VAV2: variants seen among roughly 807,000 people sequenced by gnomAD.
VAV2 encodes the protein vav guanine nucleotide exchange factor 2, also known as guanine nucleotide exchange factor VAV2.
VAV2 carries 67 observed loss-of-function variants against 132.5 expected under a neutral mutation model. The ratio of observed to expected loss-of-function variants is 0.51; its 90% CI spans 0.42 to 0.62. The LOEUF (loss-of-function observed/expected upper bound fraction) is 0.62, where lower values mean the gene tolerates loss of function less well. VAV2 is among the 20% of genes least tolerant of loss of function. The pLI, the probability that VAV2 is intolerant of heterozygous loss-of-function variation, is 0.00. For synonymous variants in VAV2, 492 were observed against 443.5 expected, an observed-to-expected ratio of 1.11 and a Z score of -1.37; for missense variants, 938 against 1,153.6, an observed-to-expected ratio of 0.81 and a Z score of 2.71.
chr9:133,773,642 GTTTT>G (rs112796693), intron 25 of VAV2, among the ~76,000 whole-genome samples: 1 of 137,070 alleles, frequency 7.3e-6, no homozygotes, highest in Non-Finnish European at 1.7e-5. Context: ...AAGCTTTCCT[GTTTT>G]TTTTCTTTGT....
At chr9:133,819,151 G>A (rs866361733) in intron 4 of VAV2, among the ~76,000 whole-genome samples, 4 of 151,976 alleles carry the variant, frequency 2.6e-5, no homozygotes, top group Admixed American at 6.6e-5. Flanking sequence ...TCATTCGCCC[G>A]GGGCACCGAG....
At chr9:133,771,064 T>TTC (rs1833605762) in intron 26 of VAV2, among the ~76,000 whole-genome samples, 3 of 140,956 alleles carry the variant, frequency 2.1e-5, no homozygotes, top group Admixed American at 2.1e-4. Context: ...TGGATTTTCT[T>TTC]TTTTTTTTTT....
Position 133,863,581 on chromosome 9 carries a change from T to G in VAV2, c.322-2149A>C, listed in dbSNP as rs1293602882. The stretch of plus-strand genomic sequence containing the variant: ...GACCACAGCAGCCTCAGCCCCAAGC[T>G]TGGGGCGCTTTGCCCCAGGATGAAC... On this transcript the variant is annotated intron_variant, in intron 2 of 29. Transcript: ENST00000371850. This position sits in a 1 kb window ranked among gnomAD's most constrained non-coding sequence, Gnocchi z 5.0. Among the ~76,000 whole-genome samples, 39 of 152,158 alleles carry G rather than the reference T, an allele frequency of 2.6e-4. No individual in the cohort carries two copies.
intron 13 of VAV2, among the ~76,000 whole-genome samples, chr9:133,791,581 C>T (rs1227859980): frequency 6.8e-6 from 1 of 146,586 alleles, no homozygotes; most frequent in African/African-American, 2.5e-5. Context: ...GTGCACAGGG[C>T]ACTTGGGTTG....
In VAV2 at chr9:133,792,718, C is replaced by T. The variant is rs1477411785; in HGVS notation, c.1102-849G>A. Among the ~76,000 whole-genome samples the T allele has an allele frequency of 1.3e-4, 16 of 127,570 alleles. No individual in the cohort carries two copies. The East Asian group carries it at 2.2e-3, about 17-fold the overall frequency. The allele number at this position is 127,570 out of a possible 152,430, so 83.7% of individuals were successfully genotyped here. On this transcript the variant is annotated intron_variant, in intron 12 of 29. Coordinates refer to ENST00000371850, the MANE Select transcript of VAV2 (RefSeq NM_001134398.2). ...CCCCACCCAGCATCCAGGCACCGGG[C>T]GTTTCTGGACCTTCTTCCTCCATCC...
chr9:133,921,245 T>C (rs567002353), intron 2 of VAV2, among the ~76,000 whole-genome samples: 3 of 152,278 alleles, frequency 2.0e-5, no homozygotes, highest in East Asian at 1.9e-4. Flanking sequence ...TCTGCTCCCT[T>C]ACCACTCCAC....
At chr9:133,922,435 C>G (rs992817602) in intron 2 of VAV2, among the ~76,000 whole-genome samples, 2 of 152,252 alleles carry the variant, frequency 1.3e-5, no homozygotes, top group Non-Finnish European at 2.9e-5. Flanking sequence ...AGCCCCTTCA[C>G]AGTGAGCAGC....
chr9:133,960,415 C>A (rs548142697), intron 1 of VAV2, among the ~76,000 whole-genome samples: 16 of 152,324 alleles, frequency 1.1e-4, no homozygotes, highest in African/African-American at 3.8e-4. Context: ...GGGGACCCCA[C>A]TGGAGCCTCA....
chr9:133,907,270 G>A (rs1216230512), intron 2 of VAV2, among the ~76,000 whole-genome samples: 2 of 152,192 alleles, frequency 1.3e-5, no homozygotes, highest in Non-Finnish European at 1.5e-5. Context: ...GCCCTGCCCA[G>A]GCCAACAAGC....
intron 2 of VAV2, among the ~76,000 whole-genome samples, chr9:133,869,389 G>A (rs992574077): frequency 3.3e-5 from 5 of 151,978 alleles, no homozygotes; most frequent in African/African-American, 1.2e-4. Context: ...GAGGATTGCT[G>A]GAAGCCAGGA....
At chr9:133,954,687 G>GT (rs2132194579) in intron 1 of VAV2, among the ~76,000 whole-genome samples, 1 of 152,366 alleles carries the variant, frequency 6.6e-6, no homozygotes, top group South Asian at 2.1e-4. Context: ...GTCCTCATGT[G>GT]TATGCGTGTG....
chr9:133,806,755 C>G (rs1244029361), intron 8 of VAV2, among the ~76,000 whole-genome samples: 1 of 152,218 alleles, frequency 6.6e-6, no homozygotes, highest in African/African-American at 2.4e-5. Context: ...GCACCTGTGG[C>G]CGCCAGGCCA....
At chr9:133,963,246 G>A (rs10119727) in intron 1 of VAV2, among the ~76,000 whole-genome samples, 51,699 of 151,872 alleles carry the variant, frequency 0.34, 9,092 homozygotes, top group African/African-American at 0.41. Context: ...TTAATGATCA[G>A]TCAATCAGGG....
chr9:133,810,099 C>T (rs773302221), intron 6 of VAV2, 92 bp downstream of exon 6: 49 of 1,578,594 alleles, frequency 3.1e-5, no homozygotes, highest in Admixed American at 8.8e-5. Context: ...GGCAGGGTCC[C>T]GAGTTTTCTC....
chr9:133,986,572 C>T (rs911830938), intron 1 of VAV2, among the ~76,000 whole-genome samples: 2 of 152,162 alleles, frequency 1.3e-5, no homozygotes, highest in Non-Finnish European at 2.9e-5. Flanking sequence ...AGGAGAATGC[C>T]CTTGTTTGCA....
intron 1 of VAV2, among the ~76,000 whole-genome samples, chr9:133,945,593 T>C (rs1159893256): frequency 1.3e-5 from 2 of 152,172 alleles, no homozygotes; most frequent in African/African-American, 2.4e-5. Context: ...GAAAGTCCCT[T>C]TGGCTGCCCC....
chr9:133,797,656 C>A, intron 10 of VAV2, 54 bp downstream of exon 10: 1 of 1,537,622 alleles, frequency 6.5e-7, no homozygotes. Context: ...GAGCTCTGGC[C>A]TGCAAGCTGC....
At position 133,813,345 on chromosome 9, in the gene VAV2, G is replaced by T. The variant is rs992506125; in HGVS notation, c.450-1129C>A. Among the ~76,000 whole-genome samples, 13 of 152,210 alleles carry T rather than the reference G, an allele frequency of 8.5e-5. 1 individual carries two copies. Among genetic ancestry groups the T allele is most frequent in the Admixed American group, 7.9e-4 (12 of 15,286 alleles). ...GAGGCAGGGACAGAAGCCGGGGCAG[G>T]AGCAATCCCTGCGGTACTCAGGAAC... On this transcript the variant is annotated intron_variant, in intron 4 of 29. Transcript: ENST00000371850.
Position 133,939,238 on chromosome 9 carries a change from G to A in VAV2, c.205-19C>T. 6.2e-7 allele frequency: 1 copy of A among 1,602,102 alleles called. No individual in the cohort carries two copies. On this transcript the variant is annotated intron_variant, in intron 1 of 29. Coordinates refer to ENST00000371850, the MANE Select transcript of VAV2 (RefSeq NM_001134398.2). ...ACAGAAACTAAAGGGAAAAAACAAA[G>A]GGAGGGCAAGGAAAAACTTATTAAA...
Sources: allele counts gnomAD v4.1 joint callset (sites outside exome capture counted in the v4.1 genomes callset), GRCh38; gene constraint gnomAD v4.1.1; non-coding constraint Gnocchi (gnomAD v3.1); transcripts MANE v1.5; gene names NCBI Gene and HGNC (gene_info 2026-07-23, HGNC 2026-07-21).